NUP54: variants seen among roughly 807,000 people sequenced by gnomAD.
NUP54 encodes nucleoporin p54.
Under a neutral mutation model 66.4 loss-of-function variants are expected in NUP54, and 27 were observed. The observed-to-expected ratio is 0.41, with a 90% confidence interval of 0.30 to 0.56. The LOEUF (loss-of-function observed/expected upper bound fraction) is 0.56, where lower values mean the gene tolerates loss of function less well. NUP54 is among the 20% of genes least tolerant of loss of function. NUP54 has a pLI of 0.34. For synonymous variants in NUP54, 206 were observed against 210.7 expected (o/e 0.98, Z 0.19); for missense variants, 486 against 596.3 (o/e 0.82, Z 1.93).
intron 3 of NUP54, among the ~76,000 whole-genome samples, chr4:76,141,627 G>T (rs1173956886): frequency 6.6e-6 from 1 of 152,076 alleles, no homozygotes; most frequent in African/African-American, 2.4e-5. Flanking sequence ...CCTTAATTCA[G>T]GTCTTCACTA....
At chr4:76,123,645 T>A (rs1730334461) in intron 9 of NUP54, among the ~76,000 whole-genome samples, 1 of 152,096 alleles carries the variant, frequency 6.6e-6, no homozygotes, top group Non-Finnish European at 1.5e-5. Context: ...CCCAAGTAAC[T>A]GGAACTACAG....
chr4:76,145,085 G>A (rs1731428635), intron 1 of NUP54, among the ~76,000 whole-genome samples: 1 of 151,928 alleles, frequency 6.6e-6, no homozygotes, highest in South Asian at 2.1e-4. Context: ...TTGGGAGGCC[G>A]AGGGGGGTGG....
chr4:76,141,799 C>G (rs945689558), intron 3 of NUP54, among the ~76,000 whole-genome samples: 1 of 152,130 alleles, frequency 6.6e-6, no homozygotes, highest in Non-Finnish European at 1.5e-5. Context: ...AAGGACAGCT[C>G]CTTAGTAAAA....
chr4:76,116,723 A>G (rs1272174642), intron 11 of NUP54, among the ~76,000 whole-genome samples: 1 of 152,208 alleles, frequency 6.6e-6, no homozygotes, highest in Non-Finnish European at 1.5e-5. Flanking sequence ...AAGTGCATAC[A>G]AATCATTCTA....
chr4:76,124,832 TTCTAA>T (rs10567712), intron 8 of NUP54, 76 bp from the exon 9 acceptor site: 60,248 of 552,944 alleles, frequency 0.11, 5,184 homozygotes, highest in East Asian at 0.26. Flanking sequence ...TGTATGGAAA[TTCTAA>T]TCTTGGGATA....
chr4:76,118,398 T>C (rs1325892299), intron 9 of NUP54: 3 of 528,064 alleles, frequency 5.7e-6, no homozygotes, highest in Non-Finnish European at 6.8e-6. Flanking sequence ...CTTAATTGTT[T>C]TTTTTGAGAC....
At chr4:76,136,494 A>G in intron 3 of NUP54, 82 bp from the exon 4 acceptor site, 1 of 1,031,280 alleles carries the variant, frequency 9.7e-7, no homozygotes, top group East Asian at 2.4e-5. Flanking sequence ...AGGCAAAATA[A>G]TGGCCCCCTC....
At chr4:76,143,496 C>T (rs1316047394) in intron 3 of NUP54, among the ~76,000 whole-genome samples, 1 of 152,108 alleles carries the variant, frequency 6.6e-6, no homozygotes, top group African/African-American at 2.4e-5. Flanking sequence ...CCCAGCTACT[C>T]AGGAGGCTGA....
chr4:76,137,416 T>C (rs1179930279), intron 3 of NUP54, among the ~76,000 whole-genome samples: 1 of 152,172 alleles, frequency 6.6e-6, no homozygotes, highest in African/African-American at 2.4e-5. Flanking sequence ...AAAAAAAAGT[T>C]TGTAAAGATG....
intron 9 of NUP54, among the ~76,000 whole-genome samples, chr4:76,119,216 T>C (rs186821827): frequency 6.6e-6 from 1 of 152,274 alleles, no homozygotes; most frequent in East Asian, 1.9e-4. Flanking sequence ...AATACGAGAA[T>C]GTAAAAGACA....
intron 8 of NUP54, 21 bp from the exon 9 acceptor site, chr4:76,124,777 G>T: frequency 2.8e-6 from 2 of 719,338 alleles, no homozygotes; most frequent in South Asian, 1.5e-5. Context: ...AAAAATTGGG[G>T]GGGGGAGGGT....
At chr4:76,139,764 T>A (rs1269556002) in intron 3 of NUP54, among the ~76,000 whole-genome samples, 3 of 152,116 alleles carry the variant, frequency 2.0e-5, no homozygotes, top group Non-Finnish European at 4.4e-5. Flanking sequence ...TGGGATTTGC[T>A]CTCAAATACA....
chr4:76,125,334 A>ACGTGCG lies in NUP54; in HGVS notation c.1057-579_1057-578insCGCACG, dbSNP rs1367192536. Reference sequence around the variant, plus strand: ...GACTCCATCACACACACACACACACACACACACACACACACACGGCTGGGC... The same window carrying ACGTGCG: ...GACTCCATCACACACACACACACACACGTGCGCACACACACACACACACGGCTGGGC... On this transcript the variant is annotated intron_variant, in intron 8 of 11. Transcript: ENST00000264883. Among the ~76,000 whole-genome samples, 854 of 145,558 alleles carry ACGTGCG rather than the reference A, an allele frequency of 5.9e-3. 19 individuals are homozygous for ACGTGCG. The highest frequency in any genetic ancestry group is 0.02 in the African/African-American group (813 of 40,354).
intron 4 of NUP54, among the ~76,000 whole-genome samples, chr4:76,134,974 T>A (rs1242248047): frequency 2.0e-5 from 3 of 152,146 alleles, no homozygotes; most frequent in Non-Finnish European, 4.4e-5. Flanking sequence ...GTGTATTAAA[T>A]GCATTTCTGA....
chr4:76,130,710 G>A lies in NUP54; in HGVS notation c.1002C>T (p.Leu334=). The change falls in exon 8 of 12, where the codon CTC becomes CTT. Residue 334 remains leucine (L), a synonymous_variant. Transcript: ENST00000264883. ...TCTGATCTTGAACCTTCAGTCTTCG[G>A]AGAAGTTCCTTAAAACCCACCATTG... ...PVPMVGFKEL[L]RRLKVQDQMT... The A allele has an allele frequency of 6.2e-7, 1 of 1,613,686 alleles. No homozygotes were observed. Among genetic ancestry groups the A allele is most frequent in the Non-Finnish European group, 8.5e-7 (1 of 1,179,794 alleles).
At chr4:76,125,852 G>GAGAGAGA (rs766135764) in intron 8 of NUP54, among the ~76,000 whole-genome samples, 1,904 of 87,994 alleles carry the variant, frequency 0.022, 37 homozygotes, top group East Asian at 0.1. Flanking sequence ...GAGGGAGAGA[G>GAGAGAGA]GGGGAGGGGG....
intron 11 of NUP54, among the ~76,000 whole-genome samples, chr4:76,116,009 C>T (rs968689364): frequency 6.6e-6 from 1 of 152,178 alleles, no homozygotes; most frequent in African/African-American, 2.4e-5. Flanking sequence ...TTTTGAGCCC[C>T]CTTTGGGGTA....
At chr4:76,120,657 G>A (rs1018546556) in intron 9 of NUP54, among the ~76,000 whole-genome samples, 1 of 151,992 alleles carries the variant, frequency 6.6e-6, no homozygotes, top group Non-Finnish European at 1.5e-5. Flanking sequence ...TTGAACTCCT[G>A]ACCTCGTGAT....
intron 6 of NUP54, among the ~76,000 whole-genome samples, chr4:76,131,516 T>A (rs1730801521): frequency 6.6e-6 from 1 of 151,876 alleles, no homozygotes; most frequent in Non-Finnish European, 1.5e-5. Flanking sequence ...ACCTCCAGAA[T>A]ATAGAAAGAG....
Sources: allele counts gnomAD v4.1 joint callset (sites outside exome capture counted in the v4.1 genomes callset), GRCh38; gene constraint gnomAD v4.1.1; transcripts MANE v1.5; gene names NCBI Gene and HGNC (gene_info 2026-07-23, HGNC 2026-07-21).